Variants in DPP10 observed in about 807,000 individuals in gnomAD.
DPP10 encodes dipeptidyl peptidase like 10.
Under a neutral mutation model 120.9 loss-of-function variants are expected in DPP10, and 33 were observed. That is an observed-to-expected ratio of 0.27 (90% CI 0.21 to 0.37). The LOEUF is 0.37. DPP10 is among the 10% of genes least tolerant of loss of function. The probability of loss-of-function intolerance (pLI) is 1.00; values close to 1 mark genes in which losing one functional copy is unlikely to be tolerated. For missense variants in DPP10, 816 were observed against 942.8 expected (o/e 0.87, Z 1.76); for synonymous variants, 337 against 326.1 (o/e 1.03, Z -0.36).
At chr2:114,928,205 T>C (rs900591862) in intron 1 of DPP10, among the ~76,000 whole-genome samples, 3 of 152,188 alleles carry the variant, frequency 2.0e-5, no homozygotes, top group African/African-American at 7.2e-5. Flanking sequence ...TGTTCCAGCA[T>C]CAACTCAAAA....
intron 3 of DPP10, among the ~76,000 whole-genome samples, chr2:115,475,698 C>T (rs2075032283): frequency 6.6e-6 from 1 of 152,192 alleles, no homozygotes; most frequent in African/African-American, 2.4e-5. Flanking sequence ...GGGGGCTAAA[C>T]CCTAGAAAGC....
intron 1 of DPP10, among the ~76,000 whole-genome samples, chr2:115,231,636 C>T (rs2057739608): frequency 6.6e-6 from 1 of 152,142 alleles, no homozygotes; most frequent in Non-Finnish European, 1.5e-5. Flanking sequence ...CCTATAACAT[C>T]ACTGGGATGC....
chr2:114,816,527 T>C (rs1160775340), intron 1 of DPP10, among the ~76,000 whole-genome samples: 1 of 152,224 alleles, frequency 6.6e-6, no homozygotes, highest in Non-Finnish European at 1.5e-5. Context: ...AGGCCTTCCT[T>C]GACCACTCTT....
chr2:114,497,352 T>C (rs958779717), intron 1 of DPP10, among the ~76,000 whole-genome samples: 12 of 100,122 alleles, frequency 1.2e-4, no homozygotes, highest in African/African-American at 4.2e-4. Flanking sequence ...TACATACACA[T>C]GTACATATAC....
At chr2:115,793,711 T>C (rs1312545066) in intron 19 of DPP10, among the ~76,000 whole-genome samples, 2 of 152,066 alleles carry the variant, frequency 1.3e-5, no homozygotes, top group East Asian at 3.8e-4. Context: ...AAAATGAGTA[T>C]AAAATCATTT....
chr2:115,604,683 G>T lies in DPP10; in HGVS notation c.441+78711G>T, dbSNP rs547150615. Among the ~76,000 whole-genome samples, 14 of 117,972 alleles carry T rather than the reference G, an allele frequency of 1.2e-4. No homozygotes were observed. The East Asian group carries it at 3.7e-3, about 31-fold the overall frequency. The allele number at this position is 117,972 out of a possible 152,430, so 77.4% of individuals were successfully genotyped here. A position where few individuals can be genotyped will look rare whatever the true frequency, so the allele number is the denominator to read the frequency against. Reference sequence around the variant, plus strand: ...TTTTTCATTTCACAACCCTACATCTGCAAGGTTCTTTTAATTATTCTCTGA... The same window carrying T: ...TTTTTCATTTCACAACCCTACATCTTCAAGGTTCTTTTAATTATTCTCTGA... On this transcript the variant is annotated intron_variant, in intron 5 of 25. Coordinates refer to ENST00000410059, the MANE Select transcript of DPP10 (RefSeq NM_020868.6).
chr2:115,617,395 CAA>C (rs980592100), intron 5 of DPP10, among the ~76,000 whole-genome samples: 1 of 149,376 alleles, frequency 6.7e-6, no homozygotes, highest in African/African-American at 2.4e-5. Context: ...GAATGCATAA[CAA>C]GAATGGAGCA....
chr2:115,253,942 C>T (rs2058862663), intron 1 of DPP10, among the ~76,000 whole-genome samples: 1 of 152,232 alleles, frequency 6.6e-6, no homozygotes, highest in Non-Finnish European at 1.5e-5. Flanking sequence ...TAGAGCTTCT[C>T]TTTAAGGGCT....
intron 5 of DPP10, among the ~76,000 whole-genome samples, chr2:115,589,184 T>C (rs1458025561): frequency 6.6e-6 from 1 of 152,206 alleles, no homozygotes; most frequent in African/African-American, 2.4e-5. Flanking sequence ...AAACTCCTGC[T>C]TGAAGTCCTT....
rs146158432 is a variant in DPP10, at chr2:115,263,887, A to AACAC, written c.61-45336_61-45333dup. Among the ~76,000 whole-genome samples, 137 of 150,516 alleles carry AACAC rather than the reference A, an allele frequency of 9.1e-4. 2 individuals are homozygous for AACAC. The highest frequency in any genetic ancestry group is 3.2e-3 in the African/African-American group (131 of 41,168). ...GTGCAAAAATCACAAAGGGATTCAA[A>AACAC]ACACACACACACACACACATACTCA... On this transcript the variant is annotated intron_variant, in intron 1 of 25. Coordinates refer to ENST00000410059, the MANE Select transcript of DPP10 (RefSeq NM_020868.6).
chr2:114,560,541 A>C (rs915458523), intron 1 of DPP10, among the ~76,000 whole-genome samples: 6 of 152,158 alleles, frequency 3.9e-5, no homozygotes, highest in Non-Finnish European at 5.9e-5. Context: ...TACATACCCT[A>C]TAGCCACACA....
At chr2:115,664,825 A>C (rs923596836) in intron 5 of DPP10, among the ~76,000 whole-genome samples, 1 of 151,386 alleles carries the variant, frequency 6.6e-6, no homozygotes, top group Non-Finnish European at 1.5e-5. Flanking sequence ...AAAAATGCTC[A>C]AACCCCATGT....
intron 1 of DPP10, among the ~76,000 whole-genome samples, chr2:114,532,296 T>TATATACACACACAC (rs1342125338): frequency 1.3e-5 from 1 of 74,760 alleles, no homozygotes; most frequent in African/African-American, 6.6e-5. Flanking sequence ...TATATATATA[T>TATATACACACACAC]ACACACACAC....
At chr2:115,220,880 A>C (rs955507847) in intron 1 of DPP10, among the ~76,000 whole-genome samples, 1 of 150,870 alleles carries the variant, frequency 6.6e-6, no homozygotes, top group Admixed American at 6.6e-5. Context: ...TCTATTTCAT[A>C]TGTATACATA....
rs78616232 is a variant in DPP10 at position 114,647,496 on chromosome 2, G to A, written c.60+204658G>A. Among the ~76,000 whole-genome samples, 527 of 152,052 alleles carry A rather than the reference G, an allele frequency of 3.5e-3. 2 individuals are homozygous for A. Among genetic ancestry groups the A allele is most frequent in the Non-Finnish European group, 5.5e-3 (375 of 67,970 alleles). On this transcript the variant is annotated intron_variant, in intron 1 of 25. Transcript: ENST00000410059. ...TGACTAATTTAATTGGATTTATAGG[G>A]CACTACATAATAATGATATCCTTTG...
chr2:114,747,854 C>T (rs1448139841), intron 1 of DPP10, among the ~76,000 whole-genome samples: 1 of 152,146 alleles, frequency 6.6e-6, no homozygotes, highest in East Asian at 1.9e-4. Flanking sequence ...CATGTAAACA[C>T]TAGATCATCT....
At chr2:115,699,036 C>CAAAAAAAAAAAAAAAAA (rs1191197397) in intron 7 of DPP10, among the ~76,000 whole-genome samples, 1 of 50,788 alleles carries the variant, frequency 2.0e-5, no homozygotes, top group Non-Finnish European at 3.8e-5. Context: ...AAAAAAAAAA[C>CAAAAAAAAAAAAAAAAA]AAAAAAAAAA....
intron 3 of DPP10, among the ~76,000 whole-genome samples, chr2:115,480,820 A>G (rs2105266046): frequency 6.6e-6 from 1 of 152,286 alleles, no homozygotes; most frequent in East Asian, 1.9e-4. Flanking sequence ...ATGGTGAAAT[A>G]AAATGCTTAA....
intron 1 of DPP10, among the ~76,000 whole-genome samples, chr2:115,300,424 A>G (rs1398422282): frequency 3.3e-5 from 5 of 152,046 alleles, no homozygotes; most frequent in African/African-American, 9.7e-5. Flanking sequence ...TCAAAGCTGC[A>G]TAATACTCAT....
Sources: allele counts gnomAD v4.1 joint callset (sites outside exome capture counted in the v4.1 genomes callset), GRCh38; gene constraint gnomAD v4.1.1; transcripts MANE v1.5; gene names NCBI Gene and HGNC (gene_info 2026-07-23, HGNC 2026-07-21).